The following ARHGAP26 variants were observed in gnomAD, a reference collection of about 807,000 sequenced individuals.
The protein encoded by ARHGAP26 is rho GTPase-activating protein 26.
Under a neutral mutation model 104.8 loss-of-function variants are expected in ARHGAP26, and 38 were observed. The observed-to-expected ratio is 0.36, with a 90% CI of 0.28 to 0.48. ARHGAP26 has a LOEUF of 0.48. Among genes scored for constraint, ARHGAP26 ranks in the 20% least tolerant of loss-of-function variants. The pLI, the probability that ARHGAP26 is intolerant of heterozygous loss-of-function variation, is 0.99. For missense variants in ARHGAP26, 704 were observed against 947.9 expected (o/e 0.74, Z 3.38); for synonymous variants, 341 against 340.0 (o/e 1.00, Z -0.03).
chr5:143,138,361 A>G (rs979357331), intron 19 of ARHGAP26, among the ~76,000 whole-genome samples: 1 of 152,206 alleles, frequency 6.6e-6, no homozygotes, highest in African/African-American at 2.4e-5. Context: ...AACTTTGTGG[A>G]CAAGAGGAAA....
At chr5:143,091,810 C>T (rs1247794781) in intron 17 of ARHGAP26, among the ~76,000 whole-genome samples, 1 of 152,122 alleles carries the variant, frequency 6.6e-6, no homozygotes, top group Non-Finnish European at 1.5e-5. Flanking sequence ...AACTGGATAC[C>T]ACTTTAACTT....
chr5:142,941,666 A>G (rs1766373277), intron 11 of ARHGAP26, among the ~76,000 whole-genome samples: 1 of 152,188 alleles, frequency 6.6e-6, no homozygotes, highest in Non-Finnish European at 1.5e-5. Context: ...ATATTCACTT[A>G]TGTCCTTGTT....
chr5:143,121,225 T>A, intron 18 of ARHGAP26, 78 bp downstream of exon 18: 1 of 1,473,860 alleles, frequency 6.8e-7, no homozygotes, highest in Non-Finnish European at 9.3e-7. Context: ...CAGAGTTGGC[T>A]CAGATTTGCA....
Position 143,226,734 on chromosome 5 carries a change from C to T in ARHGAP26, c.*4288C>T. 1 of 220,312 alleles carries T rather than the reference C, an allele frequency of 4.5e-6. No individual in the cohort carries two copies. Among genetic ancestry groups the T allele is most frequent in the Non-Finnish European group, 9.1e-6 (1 of 110,024 alleles). 13.6% of individuals were successfully genotyped at this position (220,312 alleles called of 1,614,324 possible). On this transcript the variant is annotated 3_prime_UTR_variant, in exon 23 of 23. Coordinates refer to ENST00000645722, the MANE Select transcript of ARHGAP26 (RefSeq NM_001135608.3). ...CAATATGTGTTTTCTTATGTCAGAC[C>T]ACACTGTCTTTTTGAATATCAGTTC...
chr5:143,111,320 C>G (rs1476629907), intron 17 of ARHGAP26, among the ~76,000 whole-genome samples: 2 of 152,196 alleles, frequency 1.3e-5, no homozygotes, highest in East Asian at 1.9e-4. Flanking sequence ...CTGTCAGTCT[C>G]TCTCTCTCTC....
intron 1 of ARHGAP26, among the ~76,000 whole-genome samples, chr5:142,799,477 C>T (rs749420010): frequency 1.3e-5 from 2 of 152,176 alleles, no homozygotes; most frequent in Non-Finnish European, 2.9e-5. Flanking sequence ...TGCTTTGAGG[C>T]TGAGAGTATT....
intron 20 of ARHGAP26, among the ~76,000 whole-genome samples, chr5:143,178,036 G>A (rs1803752672): frequency 1.8e-5 from 2 of 113,856 alleles, no homozygotes; most frequent in South Asian, 6.0e-4. Context: ...ATCTCACTCT[G>A]TCACCTGGGC....
chr5:142,980,602 T>C (rs1196231140), intron 11 of ARHGAP26, among the ~76,000 whole-genome samples: 1 of 152,086 alleles, frequency 6.6e-6, no homozygotes, highest in Non-Finnish European at 1.5e-5. Context: ...TTGGCCAGGC[T>C]GGTCTCGAAC....
At chr5:143,210,894 C>T (rs549746971) in intron 21 of ARHGAP26, among the ~76,000 whole-genome samples, 13 of 127,256 alleles carry the variant, frequency 1.0e-4, no homozygotes, top group African/African-American at 3.3e-4. Context: ...CTGAAGGGCA[C>T]TGTTGACAGG....
chr5:142,897,930 T>G (rs1420631444), intron 6 of ARHGAP26, among the ~76,000 whole-genome samples: 1 of 152,164 alleles, frequency 6.6e-6, no homozygotes, highest in African/African-American at 2.4e-5. Context: ...TGAACTAAAT[T>G]GCTGGAGTGG....
At chr5:143,027,475 C>T (rs1288535848) in intron 12 of ARHGAP26, among the ~76,000 whole-genome samples, 1 of 151,800 alleles carries the variant, frequency 6.6e-6, no homozygotes, top group African/African-American at 2.4e-5. Flanking sequence ...TGAGCCACTG[C>T]ACCTGGCTGA....
intron 11 of ARHGAP26, among the ~76,000 whole-genome samples, chr5:143,003,001 G>A (rs1320936474): frequency 6.6e-6 from 1 of 152,122 alleles, no homozygotes. Flanking sequence ...CTGATTTGAG[G>A]TTGAATTTTT....
At chr5:142,913,367 A>T in intron 10 of ARHGAP26, 74 bp downstream of exon 10, 4 of 1,404,628 alleles carry the variant, frequency 2.8e-6, no homozygotes, top group Non-Finnish European at 4.0e-6. Context: ...TTTCCAGTCA[A>T]ACCTTTTCTG....
chr5:143,214,230 G>C (rs1378087366), intron 22 of ARHGAP26, 142 bp downstream of exon 22: 1 of 578,060 alleles, frequency 1.7e-6, no homozygotes, highest in African/African-American at 1.9e-5. Context: ...GCGTCTGTGT[G>C]TGTTGGTTTC....
At chr5:142,951,422 G>C (rs1184657222) in intron 11 of ARHGAP26, among the ~76,000 whole-genome samples, 1 of 152,200 alleles carries the variant, frequency 6.6e-6, no homozygotes, top group African/African-American at 2.4e-5. Flanking sequence ...AATGTAAAAA[G>C]AGAAAAGAGG....
intron 17 of ARHGAP26, among the ~76,000 whole-genome samples, chr5:143,100,880 C>T (rs1793120198): frequency 6.6e-6 from 1 of 152,208 alleles, no homozygotes; most frequent in Non-Finnish European, 1.5e-5. Flanking sequence ...CACTTAAGGT[C>T]AAGAGTTCGC....
chr5:143,179,362 T>C (rs1803968408), intron 20 of ARHGAP26, among the ~76,000 whole-genome samples: 1 of 152,216 alleles, frequency 6.6e-6, no homozygotes. Context: ...CGAAGAGAGC[T>C]GTGGGAGCCC....
intron 19 of ARHGAP26, among the ~76,000 whole-genome samples, chr5:143,135,604 T>G (rs2150909446): frequency 6.6e-6 from 1 of 152,334 alleles, no homozygotes. Flanking sequence ...AAACCCTTAC[T>G]GCACTTCAAG....
chr5:142,813,001 G>A (rs1216923711), intron 1 of ARHGAP26, among the ~76,000 whole-genome samples: 3 of 148,402 alleles, frequency 2.0e-5, no homozygotes, highest in South Asian at 2.1e-4. Flanking sequence ...GCAGTGGCGC[G>A]ATCTCGGCTC....
Sources: allele counts gnomAD v4.1 joint callset (sites outside exome capture counted in the v4.1 genomes callset), GRCh38; gene constraint gnomAD v4.1.1; transcripts MANE v1.5; gene names NCBI Gene and HGNC (gene_info 2026-07-23, HGNC 2026-07-21).